RGL1: variants seen among roughly 807,000 people sequenced by gnomAD.
RGL1 encodes ral guanine nucleotide dissociation stimulator like 1, also known as ral guanine nucleotide dissociation stimulator-like 1.
Under a neutral mutation model 95.2 loss-of-function variants are expected in RGL1, and 24 were observed. The observed-to-expected ratio is 0.25, with a 90% CI of 0.18 to 0.35. The LOEUF is 0.35. Among genes scored for constraint, RGL1 ranks in the 10% least tolerant of loss-of-function variants. The pLI is 1.00. For missense variants in RGL1, 715 were observed against 936.3 expected, an observed-to-expected ratio of 0.76 and a Z score of 3.08; for synonymous variants, 329 against 344.9, an observed-to-expected ratio of 0.95 and a Z score of 0.51.
intron 1 of RGL1, among the ~76,000 whole-genome samples, chr1:183,677,449 T>C (rs1454282486): frequency 6.6e-6 from 1 of 152,142 alleles, no homozygotes; most frequent in Non-Finnish European, 1.5e-5. Flanking sequence ...TGGGTTTAAT[T>C]TGCCCATCAT....
At chr1:183,835,483 G>A (rs1663583117) in intron 2 of RGL1, among the ~76,000 whole-genome samples, 1 of 152,162 alleles carries the variant, frequency 6.6e-6, no homozygotes, top group Non-Finnish European at 1.5e-5. Context: ...TCATGCAGAA[G>A]CCAGCTTCTC....
At chr1:183,680,068 G>T (rs1653109210) in intron 1 of RGL1, among the ~76,000 whole-genome samples, 1 of 151,932 alleles carries the variant, frequency 6.6e-6, no homozygotes, top group Admixed American at 6.6e-5. Context: ...GGGGTTGTTT[G>T]TTTTTTTCTT....
chr1:183,827,759 C>T (rs950177667), intron 2 of RGL1, among the ~76,000 whole-genome samples: 7 of 152,148 alleles, frequency 4.6e-5, no homozygotes, highest in Non-Finnish European at 7.3e-5. Context: ...TAGCTGTGTA[C>T]GCTATTTCCC....
At chr1:183,811,927 A>G (rs551547471) in intron 2 of RGL1, among the ~76,000 whole-genome samples, 3 of 152,330 alleles carry the variant, frequency 2.0e-5, no homozygotes, top group African/African-American at 4.8e-5. Context: ...ATAAAGAAAA[A>G]GCCTCTTGGA....
At chr1:183,802,600 CAAA>C (rs34038144), upstream of RGL1, among the ~76,000 whole-genome samples, 414 of 90,074 alleles carry the variant, frequency 4.6e-3, no homozygotes, top group East Asian at 0.013. Context: ...GGTGTATCAG[CAAA>C]AAAAAAAAAA....
At chr1:183,744,252 C>T (rs921559073) in intron 2 of RGL1, among the ~76,000 whole-genome samples, 4 of 151,794 alleles carry the variant, frequency 2.6e-5, no homozygotes. Context: ...TAGTTTTGAA[C>T]ATGTAAAATC....
At chr1:183,882,012 A>G (rs1666851115) in intron 5 of RGL1, among the ~76,000 whole-genome samples, 1 of 152,244 alleles carries the variant, frequency 6.6e-6, no homozygotes, top group South Asian at 2.1e-4. Flanking sequence ...TTTCCAACAC[A>G]GGGACTGCAA....
At chr1:183,670,142 T>A (rs750499347) in intron 1 of RGL1, among the ~76,000 whole-genome samples, 1 of 152,108 alleles carries the variant, frequency 6.6e-6, no homozygotes, top group Non-Finnish European at 1.5e-5. Context: ...TCCCTATCTC[T>A]CTCCATCTCC....
intron 2 of RGL1, among the ~76,000 whole-genome samples, chr1:183,844,395 G>T (rs1664277812): frequency 6.6e-6 from 1 of 152,148 alleles, no homozygotes; most frequent in African/African-American, 2.4e-5. Context: ...TTCAAAGTAT[G>T]TGCATTCTGA....
chr1:183,681,912 A>G (rs1037308314), intron 1 of RGL1, among the ~76,000 whole-genome samples: 2 of 152,118 alleles, frequency 1.3e-5, no homozygotes, highest in Non-Finnish European at 2.9e-5. Flanking sequence ...GGGAGGGTGT[A>G]TGTGTCCAGG....
chr1:183,733,178 G>A (rs1283575478), intron 1 of RGL1, among the ~76,000 whole-genome samples: 1 of 151,958 alleles, frequency 6.6e-6, no homozygotes, highest in Non-Finnish European at 1.5e-5. Context: ...GGACAAATGG[G>A]GCTCTCATTA....
chr1:183,746,364 A>C (rs1558184880), intron 2 of RGL1, among the ~76,000 whole-genome samples: 1 of 152,088 alleles, frequency 6.6e-6, no homozygotes, highest in Non-Finnish European at 1.5e-5. Context: ...ATATGTATGT[A>C]TATATAAACA....
intron 1 of RGL1, among the ~76,000 whole-genome samples, chr1:183,676,309 G>A (rs1016372744): frequency 3.9e-5 from 6 of 151,952 alleles, no homozygotes; most frequent in Non-Finnish European, 7.4e-5. Context: ...CTATGTATGT[G>A]CACTGTATCT....
upstream of RGL1, among the ~76,000 whole-genome samples, chr1:183,802,874 C>G (rs932529869): frequency 3.9e-5 from 6 of 152,178 alleles, no homozygotes; most frequent in African/African-American, 1.4e-4. Flanking sequence ...CACGGGAAGG[C>G]TAATGTGGTA....
At chr1:183,800,966 C>A (rs1018107884), upstream of RGL1, among the ~76,000 whole-genome samples, 3 of 152,162 alleles carry the variant, frequency 2.0e-5, no homozygotes, top group African/African-American at 7.2e-5. Flanking sequence ...GTATCGCTTT[C>A]AGATCTTGAT....
intron 2 of RGL1, among the ~76,000 whole-genome samples, chr1:183,780,964 A>T (rs1256108752): frequency 6.6e-6 from 1 of 152,158 alleles, no homozygotes; most frequent in Non-Finnish European, 1.5e-5. Context: ...TATATTCCTC[A>T]CACTTCAGGG....
At chr1:183,860,653 C>T (rs1045862242) in intron 3 of RGL1, among the ~76,000 whole-genome samples, 1 of 152,182 alleles carries the variant, frequency 6.6e-6, no homozygotes, top group African/African-American at 2.4e-5. Context: ...TCCCCAAATA[C>T]CCAACCTCTG....
At chr1:183,780,365 A>G (rs1352726902) in intron 2 of RGL1, among the ~76,000 whole-genome samples, 1 of 152,228 alleles carries the variant, frequency 6.6e-6, no homozygotes, top group Non-Finnish European at 1.5e-5. Context: ...CCCTCAGGGT[A>G]AACAAGCTCA....
upstream of RGL1, among the ~76,000 whole-genome samples, chr1:183,801,179 T>TGTGTGTG (rs367907447): frequency 6.8e-3 from 859 of 126,204 alleles, 8 homozygotes; most frequent in Middle Eastern, 0.031. Flanking sequence ...GTGTGTGTGT[T>TGTGTGTG]TAATAATGGC....
Sources: gnomAD v4.1 joint callset for allele counts (sites outside exome capture counted in the v4.1 genomes callset) on GRCh38, gnomAD v4.1.1 for gene constraint, MANE v1.5 for transcripts, NCBI Gene and HGNC (gene_info 2026-07-23, HGNC 2026-07-21) for gene names.